DUSP5: variants seen among roughly 807,000 people sequenced by gnomAD.
The protein encoded by DUSP5 is dual specificity phosphatase 5.
In DUSP5, 22 loss-of-function variants were observed where a neutral mutation model predicts 33.6. That is an observed-to-expected ratio of 0.66 (90% CI 0.47 to 0.94). DUSP5 has a LOEUF of 0.94. Among genes scored for constraint, DUSP5 ranks in the 40% least tolerant of loss-of-function variants. DUSP5 has a pLI of 0.00. For synonymous variants in DUSP5, 270 were observed against 231.1 expected, an observed-to-expected ratio of 1.17 and a Z score of -1.53; for missense variants, 551 against 522.1, an observed-to-expected ratio of 1.06 and a Z score of -0.54.
At chr10:110,499,752 C>G (rs906437877) in intron 1 of DUSP5, among the ~76,000 whole-genome samples, 1 of 152,206 alleles carries the variant, frequency 6.6e-6, no homozygotes, top group Non-Finnish European at 1.5e-5. Context: ...GGTTGGCCCT[C>G]TGGCTCTGCA....
At chr10:110,505,528 G>A (rs553945155) in intron 2 of DUSP5, among the ~76,000 whole-genome samples, 17 of 152,310 alleles carry the variant, frequency 1.1e-4, no homozygotes, top group African/African-American at 3.4e-4. Flanking sequence ...AGCTAACTCC[G>A]GGTGTGGGGT....
intron 3 of DUSP5, among the ~76,000 whole-genome samples, chr10:110,507,604 G>A (rs1590518983): frequency 6.6e-6 from 1 of 152,230 alleles, no homozygotes; most frequent in Non-Finnish European, 1.5e-5. Context: ...CATACTCTTG[G>A]TGAACGGCTT....
At position 110,499,090 on chromosome 10, in the gene DUSP5, C is replaced by G. The variant is rs181918050; in HGVS notation, c.379+590C>G. Among the ~76,000 whole-genome samples the G allele has an allele frequency of 4.6e-4, 70 of 152,274 alleles. No individual in the cohort carries two copies. The South Asian group carries it at 6.2e-3, about 14-fold the overall frequency. ...GTCTTTTCTCTAGCTCAGTTTGGAG[C>G]TCACATCCTTTCCACCCTTTTCACC... On this transcript the variant is annotated intron_variant, in intron 1 of 3. Transcript: ENST00000369583.
At chr10:110,503,113 G>T (rs1860076667) in intron 2 of DUSP5, among the ~76,000 whole-genome samples, 2 of 152,210 alleles carry the variant, frequency 1.3e-5, no homozygotes, top group South Asian at 4.1e-4. Flanking sequence ...CCAGCCACAG[G>T]ATGCTTGGCA....
rs1859978574 is a variant in DUSP5, at chr10:110,498,072, G to A, written c.-50G>A. ...CTGGCCGTGGACACCCTGGCCGTGG[G>A]CACCCGCGGGGCGCGCGGCGCGGGG... On this transcript the variant is annotated 5_prime_UTR_variant, in exon 1 of 4. Transcript: ENST00000369583. 6.1e-6 allele frequency: 7 copies of A among 1,139,004 alleles called. No individual in the cohort carries two copies. Among genetic ancestry groups the A allele is most frequent in the African/African-American group, 1.7e-5 (1 of 60,276 alleles). 70.6% of individuals were successfully genotyped at this position (1,139,004 alleles called of 1,614,324 possible).
chr10:110,503,421 A>C (rs935841922), intron 2 of DUSP5: 1 of 152,326 alleles, frequency 6.6e-6, no homozygotes, highest in Admixed American at 6.5e-5. Flanking sequence ...TCTTATGCTT[A>C]CAATTCCACA....
intron 1 of DUSP5, among the ~76,000 whole-genome samples, chr10:110,501,846 A>G (rs918108930): frequency 6.6e-6 from 1 of 151,828 alleles, no homozygotes; most frequent in South Asian, 2.1e-4. Context: ...GCTTACTTAT[A>G]TTTGCAAGTT....
At chr10:110,506,858 G>T (rs140305369) in intron 2 of DUSP5, 77 bp from the exon 3 acceptor site, 24 of 1,459,532 alleles carry the variant, frequency 1.6e-5, no homozygotes, top group African/African-American at 1.5e-4. Flanking sequence ...AAACAAATAG[G>T]TCGGAGTTGT....
At chr10:110,501,437 C>T (rs1564772793) in intron 1 of DUSP5, among the ~76,000 whole-genome samples, 2 of 152,000 alleles carry the variant, frequency 1.3e-5, no homozygotes, top group Admixed American at 6.6e-5. Flanking sequence ...TGAGAGGAAG[C>T]GGTAATGGCA....
At chr10:110,500,850 C>T (rs570527765) in intron 1 of DUSP5, among the ~76,000 whole-genome samples, 1 of 152,302 alleles carries the variant, frequency 6.6e-6, no homozygotes, top group East Asian at 1.9e-4. Context: ...CTCTGAATCC[C>T]AGCTTGAAGA....
At position 110,511,055 on chromosome 10, in the gene DUSP5, G is replaced by A. The variant is rs569339451; in HGVS notation, c.*629G>A. ...CTTTTCTGGATTTTTTTTGCCATGG[G>A]TTCTTCACTGACCTTGGACTTTGGC... On this transcript the variant is annotated 3_prime_UTR_variant, in exon 4 of 4. Transcript: ENST00000369583. 1 of 152,598 alleles carries A rather than the reference G, an allele frequency of 6.6e-6. No homozygotes were observed. The highest frequency in any genetic ancestry group is 1.5e-5 in the Non-Finnish European group (1 of 68,088). 9.5% of individuals were successfully genotyped at this position (152,598 alleles called of 1,614,324 possible). A position where few individuals can be genotyped will look rare whatever the true frequency, so the allele number is the denominator to read the frequency against.
rs186956342 is a variant in DUSP5 at position 110,501,974 on chromosome 10, G to T, written c.380-747G>T. On this transcript the variant is annotated intron_variant, in intron 1 of 3. Transcript: ENST00000369583. ...AAGTTGACTTATTGATTGGGGGGGGGGTGCAGGAGGAGTAGGAGAGAAGTA... is the reference window on the plus strand; with the variant it reads ...AAGTTGACTTATTGATTGGGGGGGGTGTGCAGGAGGAGTAGGAGAGAAGTA... Among the ~76,000 whole-genome samples the T allele has an allele frequency of 3.0e-3, 449 of 151,498 alleles. 1 individual carries two copies. Among genetic ancestry groups the T allele is most frequent in the Non-Finnish European group, 4.8e-3 (328 of 67,842 alleles).
At chr10:110,507,845 T>A (rs1860136986) in intron 3 of DUSP5, among the ~76,000 whole-genome samples, 1 of 152,242 alleles carries the variant, frequency 6.6e-6, no homozygotes, top group African/African-American at 2.4e-5. Context: ...GTTGCCTGGA[T>A]TGTTCTCCCA....
At position 110,498,222 on chromosome 10, in the gene DUSP5, T is replaced by C; in HGVS notation, c.101T>C (p.Phe34Ser). The C allele has an allele frequency of 6.6e-7, 1 of 1,514,196 alleles. No homozygotes were observed. Among genetic ancestry groups the C allele is most frequent in the Admixed American group, 1.9e-5 (1 of 52,954 alleles). The allele number at this position is 1,514,196 out of a possible 1,614,324, so 93.8% of individuals were successfully genotyped here. ...CTCGACTGCCGGCCCTATCTGGCCTTCGCTGCCTCGAACGTGCGCGGCTCG... is the reference window on the plus strand; with the variant it reads ...CTCGACTGCCGGCCCTATCTGGCCTCCGCTGCCTCGAACGTGCGCGGCTCG... ...VVLDCRPYLA[F>S]AASNVRGSLN... is the part of the protein sequence containing the mutation. Residue 34 changes from phenylalanine to serine, a missense_variant, in exon 1 of 4, where the codon TTC becomes TCC. By Grantham distance (155) the Phe-to-Ser change is radical. Around this residue, in one of 3 missense-constraint regions of DUSP5, gnomAD observed 381 missense variants for 310.4 expected, o/e 1.23. Coordinates refer to ENST00000369583, the MANE Select transcript of DUSP5 (RefSeq NM_004419.4).
In DUSP5 at chr10:110,510,825, C is replaced by T. The variant is rs1035363252; in HGVS notation, c.*399C>T. 1 of 173,324 alleles carries T rather than the reference C, an allele frequency of 5.8e-6. No individual in the cohort carries two copies. The highest frequency in any genetic ancestry group is 6.0e-5 in the Admixed American group (1 of 16,790). The allele number at this position is 173,324 out of a possible 1,614,324, so 10.7% of individuals were successfully genotyped here. ...AAGCCAATTCATTTTGAAGGAAGCA[C>T]AATTTCCACCTTATTTTTTGAACTT... On this transcript the variant is annotated 3_prime_UTR_variant, in exon 4 of 4. Transcript: ENST00000369583.
chr10:110,498,174 A>G lies in DUSP5; in HGVS notation c.53A>G (p.Glu18Gly), dbSNP rs1859982056. Residue 18 changes from glutamate (E) to glycine (G), a missense_variant, in exon 1 of 4, where the codon GAG becomes GGG. Around this residue, in one of 3 missense-constraint regions of DUSP5, gnomAD observed 381 missense variants for 310.4 expected, o/e 1.23. Transcript: ENST00000369583. ...CAGCTGCGCAAGATGCTCCGCAAGG[A>G]GGCGGCGGCGCGCTGCGTGGTGCTC... ...GRQLRKMLRK[E>G]AAARCVVLDC... 2 of 1,491,976 alleles carry G rather than the reference A, an allele frequency of 1.3e-6. No homozygotes were observed. Among genetic ancestry groups the G allele is most frequent in the Non-Finnish European group, 1.8e-6 (2 of 1,119,944 alleles). 92.4% of individuals were successfully genotyped at this position (1,491,976 alleles called of 1,614,324 possible).
At chr10:110,498,532 C>T in intron 1 of DUSP5, 32 bp downstream of exon 1, 1 of 1,422,304 alleles carries the variant, frequency 7.0e-7, no homozygotes, top group Non-Finnish European at 9.1e-7. Context: ...CACGCTCGCC[C>T]CTCCGGCGCC....
chr10:110,508,122 T>A (rs1036205256), intron 3 of DUSP5, among the ~76,000 whole-genome samples: 3 of 152,176 alleles, frequency 2.0e-5, no homozygotes, highest in Admixed American at 2.0e-4. Flanking sequence ...TTGAGCCACA[T>A]AGTGGCCCTC....
chr10:110,498,519 T>TGCCACGCTCGCCCCTCCGGCGCCCCC lies in DUSP5; in HGVS notation c.379+21_379+46dup. 1.4e-6 allele frequency: 2 copies of TGCCACGCTCGCCCCTCCGGCGCCCCC among 1,468,612 alleles called. No homozygotes were observed. Among genetic ancestry groups the TGCCACGCTCGCCCCTCCGGCGCCCCC allele is most frequent in the Non-Finnish European group, 1.8e-6 (2 of 1,117,038 alleles). 91.0% of individuals were successfully genotyped at this position (1,468,612 alleles called of 1,614,324 possible). A position where few individuals can be genotyped will look rare whatever the true frequency, so the allele number is the denominator to read the frequency against. Reference sequence around the variant, plus strand: ...CTCAAAGGTGAGCGCTCGGGGTCCCTGCCACGCTCGCCCCTCCGGCGCCCC... The same window carrying TGCCACGCTCGCCCCTCCGGCGCCCCC: ...CTCAAAGGTGAGCGCTCGGGGTCCCTGCCACGCTCGCCCCTCCGGCGCCCCCGCCACGCTCGCCCCTCCGGCGCCCC... On this transcript the variant is annotated intron_variant, in intron 1 of 3. Transcript: ENST00000369583.
Sources: allele counts gnomAD v4.1 joint callset (sites outside exome capture counted in the v4.1 genomes callset), GRCh38; gene constraint gnomAD v4.1.1; regional missense constraint gnomAD v4.1.1; transcripts MANE v1.5; gene names NCBI Gene and HGNC (gene_info 2026-07-23, HGNC 2026-07-21).